The following VPS13C variants were observed in gnomAD, a reference collection of about 807,000 sequenced individuals.
VPS13C encodes the protein intermembrane lipid transfer protein VPS13C.
In VPS13C, 358 loss-of-function variants were observed where a neutral mutation model predicts 456.8. That is an observed-to-expected ratio of 0.78 (90% confidence interval 0.72 to 0.86). VPS13C has a LOEUF of 0.86. VPS13C is among the 40% of genes least tolerant of loss of function. VPS13C has a pLI of 0.00. For synonymous variants in VPS13C, 1,578 were observed against 1,486.7 expected, an observed-to-expected ratio of 1.06 and a Z score of -1.41; for missense variants, 4,818 against 4,385.4, an observed-to-expected ratio of 1.10 and a Z score of -2.79.
chr15:61,886,731 A>G (rs1264318684), intron 67 of VPS13C, among the ~76,000 whole-genome samples: 1 of 152,192 alleles, frequency 6.6e-6, no homozygotes, highest in Non-Finnish European at 1.5e-5. Flanking sequence ...ACTAAAATCT[A>G]TAATATTTTA....
In VPS13C at chr15:61,913,389, G is replaced by C. The variant is rs538041140; in HGVS notation, c.8472C>G (p.Ala2824=). 2 of 1,614,024 alleles carry C rather than the reference G, an allele frequency of 1.2e-6. No homozygotes were observed. The highest frequency in any genetic ancestry group is 2.2e-5 in the East Asian group (1 of 44,860). The change falls in exon 62 of 85, where the codon GCC becomes GCG. Residue 2824 remains alanine (A), a synonymous_variant. Transcript: ENST00000644861. ...NKVQLKISTS[A]WSSSFSLDTV... is the part of the protein sequence containing the mutation. ...TATCCAATGAGAAACTACTGGACCA[G>C]GCACTGGTTGAAATTTTTAATTGTA...
In VPS13C at chr15:61,951,950, T is replaced by C; in HGVS notation, c.4330A>G (p.Lys1444Glu). Residue 1444 changes from lysine to glutamate, a missense_variant, in exon 39 of 85, where the codon AAG (lysine) becomes GAG (glutamate). Coordinates refer to ENST00000644861, the MANE Select transcript of VPS13C (RefSeq NM_020821.3). ...AGCTCATGTAAAGGCCTTCCTTTCT[T>C]TTCTGATTTTTTCATCAAAGTAACC... ...VVVTLMKKSE[K>E]KGRPLHELNV... is the part of the protein sequence containing the mutation. The C allele has an allele frequency of 6.2e-7, 1 of 1,613,084 alleles. No homozygotes were observed. The highest frequency in any genetic ancestry group is 1.1e-5 in the South Asian group (1 of 90,786).
At position 61,921,949 on chromosome 15, in the gene VPS13C, C is replaced by G; in HGVS notation, c.7060G>C (p.Asp2354His). ...EGKRQWNLRLDVKKNPVQDKS... is the reference protein window; with the variant it reads ...EGKRQWNLRLHVKKNPVQDKS... ...AAGATATTTTAAGATTTCCTTACAT[C>G]AAGCCTTAAATTCCATTGTCTCTTC... is the stretch of plus-strand genomic sequence containing the variant. Residue 2354 changes from aspartate to histidine, a missense_variant and splice_region_variant, in exon 55 of 85, where the codon GAT (aspartate) becomes CAT (histidine). Asp to His is a moderately conservative substitution (Grantham distance 81). This residue lies in a region of VPS13C where 4,552 missense variants were observed against 4,130.6 expected (regional missense o/e 1.10). Coordinates refer to ENST00000644861, the MANE Select transcript of VPS13C (RefSeq NM_020821.3). The G allele has an allele frequency of 6.2e-7, 1 of 1,612,738 alleles. No individual in the cohort carries two copies. The highest frequency in any genetic ancestry group is 8.5e-7 in the Non-Finnish European group (1 of 1,179,046).
At chr15:61,976,711 C>A (rs189810853) in intron 24 of VPS13C, among the ~76,000 whole-genome samples, 96 of 152,038 alleles carry the variant, frequency 6.3e-4, no homozygotes, top group Admixed American at 1.1e-3. Flanking sequence ...TAACTGTCTA[C>A]TTAAATTCAA....
chr15:61,881,077 G>C (rs1341431399), intron 71 of VPS13C, 123 bp from the exon 72 acceptor site: 2 of 763,378 alleles, frequency 2.6e-6, no homozygotes, highest in Non-Finnish European at 4.0e-6. Flanking sequence ...TAAAAATTAT[G>C]TTAATAAGAT....
intron 3 of VPS13C, among the ~76,000 whole-genome samples, chr15:62,035,552 A>G (rs935999462): frequency 6.6e-6 from 1 of 152,020 alleles, no homozygotes; most frequent in Non-Finnish European, 1.5e-5. Flanking sequence ...TATCTGCACA[A>G]GCTACCAGGA....
In VPS13C at chr15:61,868,444, CA is replaced by C. The variant is rs144158291; in HGVS notation, c.10863+214del. ...GACTTAACATTATCTTTTCTGCACA[CA>C]AAAAAAAGCTTTGCTCCCATGTAGA... On this transcript the variant is annotated intron_variant, in intron 81 of 84. Coordinates refer to ENST00000644861, the MANE Select transcript of VPS13C (RefSeq NM_020821.3). Among the ~76,000 whole-genome samples the C allele has an allele frequency of 0.058, 8,832 of 151,060 alleles. 313 individuals are homozygous for C. Among genetic ancestry groups the C allele is most frequent in the Non-Finnish European group, 0.08 (5,420 of 67,736 alleles).
At chr15:61,965,421 C>G (rs957660304) in intron 30 of VPS13C, among the ~76,000 whole-genome samples, 4 of 151,758 alleles carry the variant, frequency 2.6e-5, no homozygotes. Flanking sequence ...TTAAAGCAAT[C>G]ACTCTAGGAA....
At chr15:61,913,529 A>G (rs1489787898) in intron 61 of VPS13C, 114 bp from the exon 62 acceptor site, 9 of 816,954 alleles carry the variant, frequency 1.1e-5, no homozygotes, top group African/African-American at 8.7e-5. Context: ...GGACACAGAA[A>G]TATATAATCA....
At chr15:61,986,959 G>A (rs2046075439) in intron 18 of VPS13C, among the ~76,000 whole-genome samples, 1 of 152,022 alleles carries the variant, frequency 6.6e-6, no homozygotes, top group African/African-American at 2.4e-5. Flanking sequence ...ATCACCAGCA[G>A]AACTGCATTC....
intron 66 of VPS13C, among the ~76,000 whole-genome samples, chr15:61,897,171 T>A (rs560120085): frequency 1.3e-4 from 20 of 152,102 alleles, no homozygotes; most frequent in African/African-American, 4.8e-4. Flanking sequence ...ACAGAAAAAC[T>A]GGAAACTCTA....
intron 66 of VPS13C, among the ~76,000 whole-genome samples, chr15:61,902,838 G>A (rs1240986220): frequency 6.9e-6 from 1 of 145,814 alleles, no homozygotes; most frequent in Non-Finnish European, 1.5e-5. Flanking sequence ...TGAAGTCCTA[G>A]TCAAAGCCCT....
chr15:62,039,962 G>A (rs975680759), intron 3 of VPS13C, among the ~76,000 whole-genome samples: 10 of 152,092 alleles, frequency 6.6e-5, no homozygotes, highest in African/African-American at 2.4e-4. Context: ...CAACCTAAGT[G>A]TCCATCAACA....
Position 61,922,781 on chromosome 15 carries a change from A to C in VPS13C, c.6610-19T>G. 1 of 1,533,470 alleles carries C rather than the reference A, an allele frequency of 6.5e-7. No individual in the cohort carries two copies. The allele number at this position is 1,533,470 out of a possible 1,614,324, so 95.0% of individuals were successfully genotyped here. Reference sequence around the variant, plus strand: ...GTGAAATCTTTAAAAAAGAAAGCAGAAAAATATTTATAATAAATTCTTTCC... The same window carrying C: ...GTGAAATCTTTAAAAAAGAAAGCAGCAAAATATTTATAATAAATTCTTTCC... On this transcript the variant is annotated intron_variant, in intron 53 of 84. Transcript: ENST00000644861.
chr15:61,886,306 G>C (rs932712132), intron 67 of VPS13C, among the ~76,000 whole-genome samples: 1 of 151,990 alleles, frequency 6.6e-6, no homozygotes, highest in African/African-American at 2.4e-5. Flanking sequence ...AAATGTTACG[G>C]TAAGTGCTTA....
rs941931879 is a variant in VPS13C at position 61,940,688 on chromosome 15, T to C, written c.5560A>G (p.Ile1854Val). Reference sequence around the variant, plus strand: ...TTTCCTTTTATCTCCATCCCTGGAATTTGCACATACCATGCTGCTGCTAAG... The same window carrying C: ...TTTCCTTTTATCTCCATCCCTGGAACTTGCACATACCATGCTGCTGCTAAG... ...RNLAAAWYVQ[I>V]PGMEIKGKLK... Residue 1854 changes from isoleucine (I) to valine (V), a missense_variant, in exon 47 of 85, where the codon ATT becomes GTT. Coordinates refer to ENST00000644861, the MANE Select transcript of VPS13C (RefSeq NM_020821.3). The C allele has an allele frequency of 4.3e-6, 7 of 1,613,574 alleles. No homozygotes were observed. In the Admixed American group the frequency reaches 1.0e-4, roughly 23 times the overall value.
At chr15:61,969,892 A>G (rs1041049403) in intron 27 of VPS13C, among the ~76,000 whole-genome samples, 1 of 152,174 alleles carries the variant, frequency 6.6e-6, no homozygotes, top group African/African-American at 2.4e-5. Flanking sequence ...AAAAAATAAA[A>G]CGTGGTAATT....
chr15:61,913,615 T>G (rs142811535), intron 61 of VPS13C, among the ~76,000 whole-genome samples, 200 bp from the exon 62 acceptor site: 3 of 150,744 alleles, frequency 2.0e-5, no homozygotes, highest in African/African-American at 4.9e-5. Flanking sequence ...CTGAGAAAGT[T>G]TGAATGAGAA....
At chr15:62,018,976 A>G (rs1040649592) in intron 9 of VPS13C, among the ~76,000 whole-genome samples, 8 of 152,016 alleles carry the variant, frequency 5.3e-5, no homozygotes, top group Admixed American at 2.6e-4. Flanking sequence ...CCTGTTATTG[A>G]TCTATTCAGA....
Sources: gnomAD v4.1 joint callset for allele counts (sites outside exome capture counted in the v4.1 genomes callset) on GRCh38, gnomAD v4.1.1 for gene constraint, gnomAD v4.1.1 regional missense constraint, MANE v1.5 for transcripts, NCBI Gene and HGNC (gene_info 2026-07-23, HGNC 2026-07-21) for gene names.